LRRIQ1: variants seen among roughly 807,000 people sequenced by gnomAD.
LRRIQ1 encodes the protein leucine-rich repeat- and IQ domain-containing protein 1.
A neutral mutation model predicts 211.9 loss-of-function variants in LRRIQ1; 210 were observed. The ratio of observed to expected loss-of-function variants is 0.99; its 90% CI spans 0.89 to 1.11. The LOEUF (loss-of-function observed/expected upper bound fraction) is 1.11. LRRIQ1 is among the 50% of genes most tolerant of loss of function. LRRIQ1 has a pLI of 0.00. For missense variants in LRRIQ1, 2,136 were observed against 1,939.5 expected, an observed-to-expected ratio of 1.10 and a Z score of -1.90; for synonymous variants, 699 against 650.1, an observed-to-expected ratio of 1.08 and a Z score of -1.14.
chr12:85,229,742 T>A (rs983320099), intron 25 of LRRIQ1, 93 bp downstream of exon 25: 1 of 1,333,730 alleles, frequency 7.5e-7, no homozygotes, highest in East Asian at 2.3e-5. Flanking sequence ...AACATGACTT[T>A]ATTGCCAAAG....
At chr12:85,128,110 TA>T in intron 18 of LRRIQ1, 77 bp downstream of exon 18, 8 of 1,094,580 alleles carry the variant, frequency 7.3e-6, no homozygotes, top group Non-Finnish European at 9.5e-6. Context: ...GTATTAAAAA[TA>T]ACCTCCAAAT....
intron 19 of LRRIQ1, among the ~76,000 whole-genome samples, chr12:85,147,068 A>C (rs1276203193): frequency 6.6e-6 from 1 of 151,840 alleles, no homozygotes; most frequent in Admixed American, 6.6e-5. Context: ...AGGTAGGCGC[A>C]GACTATCAGT....
chr12:85,055,903 T>A lies in LRRIQ1; in HGVS notation c.1110T>A (p.Ile370=), dbSNP rs760812787. The A allele has an allele frequency of 4.7e-5, 75 of 1,596,512 alleles. No homozygotes were observed. The highest frequency in any genetic ancestry group is 1.7e-4 in the Middle Eastern group (1 of 5,838). ...AAGAATATGAAGAAAAAAAGAATAT[T>A]GTGAAACAGGAAAGAGAGCAACTAA... ...REKEYEEKKN[I]VKQEREQLIS... The change falls in exon 8 of 27, where the codon ATT becomes ATA. Residue 370 remains isoleucine (I), a synonymous_variant. Transcript: ENST00000393217.
At chr12:85,260,425 A>G (rs780791129) in intron 1 of LRRIQ1, among the ~76,000 whole-genome samples, 1 of 148,686 alleles carries the variant, frequency 6.7e-6, no homozygotes, top group Non-Finnish European at 1.5e-5. Flanking sequence ...TTTAAAATAC[A>G]TACTTACTTC....
chr12:85,060,742 A>G (rs1881695570), intron 8 of LRRIQ1, among the ~76,000 whole-genome samples: 1 of 151,922 alleles, frequency 6.6e-6, no homozygotes, highest in African/African-American at 2.4e-5. Context: ...AATGTTCTGA[A>G]AAAGTAAAAA....
chr12:85,054,819 C>G (rs990463008), intron 7 of LRRIQ1, among the ~76,000 whole-genome samples: 4 of 151,306 alleles, frequency 2.6e-5, no homozygotes, highest in Non-Finnish European at 1.5e-5. Flanking sequence ...GTTTGATTTT[C>G]TCAGAAATTG....
chr12:85,156,428 C>T (rs920302873), intron 23 of LRRIQ1, among the ~76,000 whole-genome samples: 2 of 151,726 alleles, frequency 1.3e-5, no homozygotes, highest in African/African-American at 2.4e-5. Context: ...TGTCTATCTT[C>T]TGTTCAGTTG....
At chr12:85,136,547 A>C (rs893991219) in intron 18 of LRRIQ1, among the ~76,000 whole-genome samples, 1 of 151,914 alleles carries the variant, frequency 6.6e-6, no homozygotes, top group South Asian at 2.1e-4. Context: ...TAATTGCTGC[A>C]GAGGTTGTCA....
At chr12:85,138,019 G>GTA (rs1440516604) in intron 19 of LRRIQ1, 50 bp downstream of exon 19, 2 of 1,066,382 alleles carry the variant, frequency 1.9e-6, no homozygotes, top group Non-Finnish European at 2.7e-6. Flanking sequence ...TACATTAAGT[G>GTA]TACTATTTTG....
intron 24 of LRRIQ1, among the ~76,000 whole-genome samples, chr12:85,226,596 A>G (rs918132518): frequency 2.9e-5 from 4 of 140,268 alleles, no homozygotes; most frequent in Non-Finnish European, 6.0e-5. Flanking sequence ...TTTGTTACAT[A>G]TGTATACATG....
intron 24 of LRRIQ1, among the ~76,000 whole-genome samples, chr12:85,228,385 T>C (rs1243774298): frequency 6.6e-6 from 1 of 152,152 alleles, no homozygotes; most frequent in Non-Finnish European, 1.5e-5. Context: ...TCATGTGAAG[T>C]AAGTGTTCCT....
chr12:85,169,339 A>G (rs1047078280), intron 24 of LRRIQ1, among the ~76,000 whole-genome samples: 5 of 152,144 alleles, frequency 3.3e-5, no homozygotes, highest in Admixed American at 6.6e-5. Flanking sequence ...TTGAAATGTA[A>G]GTTGGAAGCC....
rs1422188057 is a variant in LRRIQ1 at position 85,194,714 on chromosome 12, A to G, written c.4822+34000A>G. Among the ~76,000 whole-genome samples, 3 of 152,304 alleles carry G rather than the reference A, an allele frequency of 2.0e-5. No homozygotes were observed. In the East Asian group the frequency reaches 5.8e-4, roughly 29 times the overall value. On this transcript the variant is annotated intron_variant, in intron 24 of 26. Coordinates refer to ENST00000393217, the MANE Select transcript of LRRIQ1 (RefSeq NM_001079910.2). Reference sequence around the variant, plus strand: ...TTATAGCACTAAGTGCCCACAAGAGAAAGCAGGAAAGATCCAAAATTGACA... The same window carrying G: ...TTATAGCACTAAGTGCCCACAAGAGGAAGCAGGAAAGATCCAAAATTGACA...
the LRRIQ1 span, among the ~76,000 whole-genome samples, chr12:85,269,884 T>C: frequency 6.6e-6 from 1 of 152,060 alleles, no homozygotes; most frequent in East Asian, 1.9e-4. Flanking sequence ...TTCTGGAGGC[T>C]GGAATTCTGA....
At chr12:85,058,393 C>A (rs572329576) in intron 8 of LRRIQ1, among the ~76,000 whole-genome samples, 1 of 152,138 alleles carries the variant, frequency 6.6e-6, no homozygotes, top group East Asian at 1.9e-4. Flanking sequence ...CTTTCTCTAA[C>A]ATATTGCTGC....
intron 1 of LRRIQ1, among the ~76,000 whole-genome samples, chr12:85,257,432 A>C (rs1017320789): frequency 2.7e-5 from 4 of 150,906 alleles, no homozygotes; most frequent in African/African-American, 9.7e-5. Context: ...CAAAATAAAC[A>C]GGACTTATAT....
chr12:85,100,621 T>C (rs1023691928), intron 13 of LRRIQ1, among the ~76,000 whole-genome samples: 8 of 151,694 alleles, frequency 5.3e-5, no homozygotes, highest in Non-Finnish European at 1.2e-4. Context: ...TTGTATAATA[T>C]ATGTGATTTT....
At chr12:85,044,251 T>G (rs1163117377) in intron 3 of LRRIQ1, among the ~76,000 whole-genome samples, 1 of 152,062 alleles carries the variant, frequency 6.6e-6, no homozygotes, top group African/African-American at 2.4e-5. Flanking sequence ...ATTATAAAAT[T>G]CAACAACTCA....
chr12:85,152,319 C>G lies in LRRIQ1; in HGVS notation c.4369C>G (p.Arg1457Gly). The G allele has an allele frequency of 5.0e-6, 8 of 1,611,374 alleles. No homozygotes were observed. Among genetic ancestry groups the G allele is most frequent in the Non-Finnish European group, 6.8e-6 (8 of 1,178,376 alleles). The change falls in exon 20 of 27, where the codon CGC becomes GGC. Residue 1457 changes from arginine to glycine, a missense_variant. Physicochemically the swap from Arg to Gly is moderately radical, Grantham distance 125 (BLOSUM62 -2). Coordinates refer to ENST00000393217, the MANE Select transcript of LRRIQ1 (RefSeq NM_001079910.2). ...EEEWLALDST[R>G]FPSQTLLLSN... is the part of the protein sequence containing the mutation. The stretch of plus-strand genomic sequence containing the variant: ...AGAATGGCTAGCATTAGATTCCACC[C>G]GCTTCCCTTCACAAACACTGCTTCT...
Sources: gnomAD v4.1 joint callset for allele counts (sites outside exome capture counted in the v4.1 genomes callset) on GRCh38, gnomAD v4.1.1 for gene constraint, MANE v1.5 for transcripts, NCBI Gene and HGNC (gene_info 2026-07-23, HGNC 2026-07-21) for gene names.